HMCN1: variants seen among roughly 807,000 people sequenced by gnomAD.
The protein encoded by HMCN1 is hemicentin-1.
HMCN1 carries 321 observed loss-of-function variants against 625.9 expected under a neutral mutation model. The ratio of observed to expected loss-of-function variants is 0.51; its 90% CI spans 0.47 to 0.56. The LOEUF (loss-of-function observed/expected upper bound fraction) is 0.56, where lower values mean the gene tolerates loss of function less well. Ranked by LOEUF, HMCN1 falls within the 20% of genes least tolerant of loss-of-function variation. The pLI, the probability that HMCN1 is intolerant of heterozygous loss-of-function variation, is 0.00. For missense variants in HMCN1, 6,588 were observed against 6,887.3 expected (o/e 0.96, Z 1.54); for synonymous variants, 2,425 against 2,417.6 (o/e 1.00, Z -0.09).
intron 55 of HMCN1, among the ~76,000 whole-genome samples, chr1:186,080,977 G>T (rs752238082): frequency 1.3e-5 from 2 of 152,084 alleles, no homozygotes; most frequent in Non-Finnish European, 2.9e-5. Context: ...TACTATCTGA[G>T]GGATTAGTCT....
rs534986153 is a variant in HMCN1, at chr1:185,999,483, G to T, written c.3875-562G>T. 2.0e-5 allele frequency among the ~76,000 whole-genome samples: 3 copies of T among 150,482 alleles called. No individual in the cohort carries two copies. In the South Asian group the frequency reaches 6.2e-4, roughly 31 times the overall value. On this transcript the variant is annotated intron_variant, in intron 25 of 106. Coordinates refer to ENST00000271588, the MANE Select transcript of HMCN1 (RefSeq NM_031935.3). The stretch of plus-strand genomic sequence containing the variant: ...AGCTATTTCTCAACTACCATTTCAA[G>T]AATTGAGCTATTATCCTTTGTTTAA...
chr1:186,015,813 C>A, intron 31 of HMCN1, 145 bp from the exon 32 acceptor site: 1 of 725,552 alleles, frequency 1.4e-6, no homozygotes, highest in South Asian at 1.7e-5. Context: ...ATTCTTTCCT[C>A]AATAGCTTAG....
chr1:186,074,412 A>G (rs1658669245), intron 52 of HMCN1, among the ~76,000 whole-genome samples: 1 of 152,144 alleles, frequency 6.6e-6, no homozygotes, highest in South Asian at 2.1e-4. Flanking sequence ...ATATGAGATC[A>G]GTGAAAAAAA....
chr1:185,909,840 T>A (rs1185196057), intron 5 of HMCN1, among the ~76,000 whole-genome samples: 1 of 152,138 alleles, frequency 6.6e-6, no homozygotes, highest in Non-Finnish European at 1.5e-5. Flanking sequence ...TCTGTCAAAT[T>A]CAGTATTTTA....
chr1:185,862,915 A>G (rs1387930151), intron 2 of HMCN1, among the ~76,000 whole-genome samples: 1 of 152,186 alleles, frequency 6.6e-6, no homozygotes, highest in Non-Finnish European at 1.5e-5. Flanking sequence ...AACCTATTTA[A>G]CAAATAATGC....
rs1291821861 is a variant in HMCN1 at position 186,145,547 on chromosome 1, A to T, written c.14411A>T (p.Gln4804Leu). Residue 4804 changes from glutamine to leucine, a missense_variant, in exon 92 of 107, where the codon CAG becomes CTG. Physicochemically the swap from Gln to Leu is moderately radical, Grantham distance 113. Coordinates refer to ENST00000271588, the MANE Select transcript of HMCN1 (RefSeq NM_031935.3). Reference sequence around the variant, plus strand: ...TGTGGGGGACCAGACTCCCAGATCCAGAGGTGCAACACTGACATGTGTCCT... The same window carrying T: ...TGTGGGGGACCAGACTCCCAGATCCTGAGGTGCAACACTGACATGTGTCCT... ...RACGGPDSQI[Q>L]RCNTDMCPVD... 6.2e-7 allele frequency: 1 copy of T among 1,614,112 alleles called. No individual in the cohort carries two copies.
chr1:186,045,536 G>T, intron 40 of HMCN1, 152 bp from the exon 41 acceptor site: 1 of 668,880 alleles, frequency 1.5e-6, no homozygotes, highest in East Asian at 2.7e-5. Context: ...ATTAGGACTT[G>T]AACCAAGTGA....
chr1:185,919,343 C>T (rs1473152352), intron 6 of HMCN1, among the ~76,000 whole-genome samples: 6 of 152,160 alleles, frequency 3.9e-5, no homozygotes, highest in African/African-American at 1.4e-4. Flanking sequence ...CTTATGTTCT[C>T]ATTGCCTTCT....
At chr1:185,873,030 T>A (rs549097133) in intron 4 of HMCN1, among the ~76,000 whole-genome samples, 1 of 152,252 alleles carries the variant, frequency 6.6e-6, no homozygotes, top group African/African-American at 2.4e-5. Flanking sequence ...TCAAGGAATA[T>A]TTCTTAGAAA....
intron 4 of HMCN1, among the ~76,000 whole-genome samples, chr1:185,867,367 C>G (rs1289447230): frequency 2.6e-5 from 4 of 152,100 alleles, no homozygotes. Context: ...GTGCAGGAGT[C>G]TCTCAGACAC....
chr1:185,990,177 A>C (rs1652323946), intron 21 of HMCN1, 98 bp from the exon 22 acceptor site: 1 of 1,046,358 alleles, frequency 9.6e-7, no homozygotes, highest in African/African-American at 1.6e-5. Flanking sequence ...CTTTTTATAA[A>C]TTACTTAAGA....
chr1:186,122,880 C>A, intron 80 of HMCN1, 71 bp from the exon 81 acceptor site: 1 of 1,460,438 alleles, frequency 6.8e-7, no homozygotes, highest in Non-Finnish European at 9.5e-7. Flanking sequence ...TAGAGCAGTA[C>A]TGTAGTATGT....
At chr1:185,810,985 AAAAC>A (rs1340187681) in intron 1 of HMCN1, among the ~76,000 whole-genome samples, 6 of 152,154 alleles carry the variant, frequency 3.9e-5, no homozygotes, top group African/African-American at 1.4e-4. Flanking sequence ...TGCTTATTAA[AAAAC>A]AAACCCATCC....
intron 64 of HMCN1, among the ~76,000 whole-genome samples, chr1:186,091,279 C>G (rs1659829536): frequency 6.6e-6 from 1 of 151,968 alleles, no homozygotes; most frequent in Admixed American, 6.6e-5. Context: ...CCTGCAAATG[C>G]CAAACCAACT....
In HMCN1 at chr1:186,153,879, G is replaced by A. The variant is rs1186486042; in HGVS notation, c.15148G>A (p.Gly5050Arg). ...CACCGTTTTCTATGATCAGGCACAGGGAAGAATGCCTTTCTTGGTTGAAAC... is the reference window on the plus strand; with the variant it reads ...CACCGTTTTCTATGATCAGGCACAGAGAAGAATGCCTTTCTTGGTTGAAAC... ...NHTVFYDQAQ[G>R]RMPFLVETLH... Residue 5050 changes from glycine to arginine, a missense_variant, in exon 97 of 107, where the codon GGA becomes AGA. Coordinates refer to ENST00000271588, the MANE Select transcript of HMCN1 (RefSeq NM_031935.3). 3.1e-6 allele frequency: 5 copies of A among 1,614,104 alleles called. No individual in the cohort carries two copies. The Admixed American group carries it at 5.0e-5, about 16-fold the overall frequency.
At chr1:185,880,437 T>C (rs897923179) in intron 4 of HMCN1, among the ~76,000 whole-genome samples, 1 of 152,218 alleles carries the variant, frequency 6.6e-6, no homozygotes. Context: ...TTCACTGATA[T>C]ATCATGCTTT....
intron 37 of HMCN1, among the ~76,000 whole-genome samples, chr1:186,038,247 A>G (rs1655968289): frequency 1.3e-5 from 2 of 152,208 alleles, no homozygotes; most frequent in African/African-American, 4.8e-5. Flanking sequence ...TAAACAATGT[A>G]GAAATATATG....
intron 48 of HMCN1, among the ~76,000 whole-genome samples, chr1:186,064,943 T>C (rs1332317152): frequency 6.6e-6 from 1 of 152,068 alleles, no homozygotes; most frequent in Non-Finnish European, 1.5e-5. Context: ...TAAAAAATAG[T>C]ATAAATTTAG....
chr1:185,807,958 G>C (rs1034870928), intron 1 of HMCN1, among the ~76,000 whole-genome samples: 6 of 152,140 alleles, frequency 3.9e-5, no homozygotes, highest in Non-Finnish European at 8.8e-5. Context: ...TGAAGGTAGA[G>C]AGACAGTTCT....
Sources: gnomAD v4.1 joint callset for allele counts (sites outside exome capture counted in the v4.1 genomes callset) on GRCh38, gnomAD v4.1.1 for gene constraint, MANE v1.5 for transcripts, NCBI Gene and HGNC (gene_info 2026-07-23, HGNC 2026-07-21) for gene names.